Variants in AGBL5 observed in about 807,000 individuals in gnomAD.
AGBL5 encodes the protein AGBL carboxypeptidase 5, also known as cytosolic carboxypeptidase-like protein 5.
A neutral mutation model predicts 88.0 loss-of-function variants in AGBL5; 51 were observed. The observed-to-expected ratio is 0.58, with a 90% CI of 0.46 to 0.73. AGBL5 has a LOEUF of 0.73. Among genes scored for constraint, AGBL5 ranks in the 30% least tolerant of loss-of-function variants. The probability of loss-of-function intolerance (pLI) is 0.00; values close to 1 mark genes in which losing one functional copy is unlikely to be tolerated. For synonymous variants in AGBL5, 446 were observed against 438.8 expected, an observed-to-expected ratio of 1.02 and a Z score of -0.21; for missense variants, 1,031 against 1,162.2, an observed-to-expected ratio of 0.89 and a Z score of 1.64.
upstream of AGBL5, among the ~76,000 whole-genome samples, chr2:27,050,779 G>A (rs1056657846): frequency 2.0e-5 from 3 of 152,220 alleles, no homozygotes; most frequent in African/African-American, 7.2e-5. Context: ...TATCGCAGCG[G>A]AGCCTTCGAT....
chr2:27,055,637 T>C (rs1284783612), intron 6 of AGBL5, 45 bp from the exon 7 acceptor site: 1 of 1,561,226 alleles, frequency 6.4e-7, no homozygotes, highest in Non-Finnish European at 8.7e-7. Context: ...TCTCCTTCAC[T>C]GGCCCAGTCC....
intron 11 of AGBL5, chr2:27,061,603 G>A (rs1028281818): frequency 1.3e-5 from 2 of 152,054 alleles, no homozygotes; most frequent in Non-Finnish European, 2.9e-5. Flanking sequence ...CTTGACCTCA[G>A]GTGATCCACC....
rs374424856 is a variant in AGBL5 at position 27,067,508 on chromosome 2, G to A, written c.2104G>A (p.Asp702Asn). The A allele has an allele frequency of 3.0e-5, 49 of 1,614,020 alleles. No individual in the cohort carries two copies. In the Middle Eastern group the frequency reaches 2.3e-3, roughly 76 times the overall value. The stretch of plus-strand genomic sequence containing the variant: ...CTTCCACTCAGAGCCCCGAAGCCAG[G>A]ACAGGAGACGGCAGCAGCAGCCCCT... Reference protein sequence around the residue: ...LGPVREPRSQDRRRQQQPLNH... With the variant: ...LGPVREPRSQNRRRQQQPLNH... Residue 702 changes from aspartate (D) to asparagine (N), a missense_variant, in exon 12 of 15, where the codon GAC becomes AAC. This residue lies in a region of AGBL5 where 491 missense variants were observed against 484.0 expected (regional missense o/e 1.01). Coordinates refer to ENST00000360131, the MANE Select transcript of AGBL5 (RefSeq NM_021831.6).
At chr2:27,056,863 G>A in intron 8 of AGBL5, 71 bp downstream of exon 8, 1 of 1,467,566 alleles carries the variant, frequency 6.8e-7, no homozygotes, top group Non-Finnish European at 9.1e-7. Flanking sequence ...GGGTGTGGTG[G>A]TGCATGCTTG....
chr2:27,067,522 G>A lies in AGBL5; in HGVS notation c.2118G>A (p.Gln706=). ...REPRSQDRRR[Q]QQPLNHRPAG... is the part of the protein sequence containing the mutation. ...CCCGAAGCCAGGACAGGAGACGGCA[G>A]CAGCAGCCCCTGAACCATCGTCCTG... The change falls in exon 12 of 15, where the codon CAG becomes CAA. Residue 706 remains glutamine, a synonymous_variant. Coordinates refer to ENST00000360131, the MANE Select transcript of AGBL5 (RefSeq NM_021831.6). The A allele has an allele frequency of 1.2e-6, 2 of 1,614,092 alleles. No homozygotes were observed. The highest frequency in any genetic ancestry group is 1.7e-6 in the Non-Finnish European group (2 of 1,180,014).
chr2:27,060,807 T>C (rs1668680080), intron 11 of AGBL5, among the ~76,000 whole-genome samples: 3 of 152,250 alleles, frequency 2.0e-5, no homozygotes, highest in African/African-American at 7.2e-5. Context: ...GCACTGTGTT[T>C]GAAAAATAAT....
chr2:27,051,222 A>G (rs1668108216), upstream of AGBL5, among the ~76,000 whole-genome samples: 2 of 152,206 alleles, frequency 1.3e-5, no homozygotes, highest in East Asian at 1.9e-4. Context: ...GCGGGGGATT[A>G]GCTCAAATGG....
rs976792025 is a variant in AGBL5, at chr2:27,060,015, G to A, written c.2089+611G>A. 3.9e-5 allele frequency among the ~76,000 whole-genome samples: 6 copies of A among 152,314 alleles called. No homozygotes were observed. In the East Asian group the frequency reaches 5.8e-4, roughly 15 times the overall value. ...AATACAAAAATGAGCCAGGCATGGTGGTGCACACCTGTAATCCCAGCTATT... is the reference window on the plus strand; with the variant it reads ...AATACAAAAATGAGCCAGGCATGGTAGTGCACACCTGTAATCCCAGCTATT... On this transcript the variant is annotated intron_variant, in intron 11 of 14. Coordinates refer to ENST00000360131, the MANE Select transcript of AGBL5 (RefSeq NM_021831.6).
At chr2:27,064,716 C>CA (rs1668894045) in intron 11 of AGBL5, among the ~76,000 whole-genome samples, 1 of 148,236 alleles carries the variant, frequency 6.7e-6, no homozygotes, top group Non-Finnish European at 1.5e-5. Flanking sequence ...TTTTTTTTTC[C>CA]ATTCAATTTT....
chr2:27,054,913 G>A (rs982758348), intron 5 of AGBL5, 106 bp downstream of exon 5: 14 of 1,505,044 alleles, frequency 9.3e-6, no homozygotes, highest in Middle Eastern at 2.4e-4. Context: ...CATGGCCTCC[G>A]CCCGCAGCGT....
rs755761879 is a variant in AGBL5 at position 27,058,547 on chromosome 2, C to T, written c.1819C>T (p.Leu607=). ...VRNSRGLSST[L]NVGVNKKRGL... is the part of the protein sequence containing the mutation. ...CAACAGCCGAGGCCTAAGCAGCACT[C>T]TGAATGTGGGTGTCAACAAGAAGAG... is the stretch of plus-strand genomic sequence containing the variant. The change falls in exon 10 of 15, where the codon CTG becomes TTG. Residue 607 remains leucine, a synonymous_variant. Coordinates refer to ENST00000360131, the MANE Select transcript of AGBL5 (RefSeq NM_021831.6). 3.7e-6 allele frequency: 6 copies of T among 1,614,198 alleles called. No individual in the cohort carries two copies. Among genetic ancestry groups the T allele is most frequent in the South Asian group, 1.1e-5 (1 of 91,076 alleles).
At chr2:27,059,600 G>T (rs1025227878) in intron 11 of AGBL5, 196 bp downstream of exon 11, 1 of 1,321,592 alleles carries the variant, frequency 7.6e-7, no homozygotes, top group Non-Finnish European at 1.0e-6. Flanking sequence ...ATTGTGTGTG[G>T]CCAGAGGGGG....
rs1417581843 is a variant in AGBL5 at position 27,053,478 on chromosome 2, C to T, written c.292C>T (p.Gln98Ter). The stretch of plus-strand genomic sequence containing the variant: ...GATCAACATTATGAACATGAACAAG[C>T]AGAGCAAGCTGTATTCCCAGGGCAT... ...IKINIMNMNK[Q>*]SKLYSQGMAP... Residue 98 changes from glutamine (Q) to a stop codon, truncating the protein, a stop_gained, in exon 3 of 15, where the codon CAG becomes TAG. Coordinates refer to ENST00000360131, the MANE Select transcript of AGBL5 (RefSeq NM_021831.6). LOFTEE classifies it high-confidence loss of function. The surrounding 1 kb of genome is among the most constrained non-coding windows in gnomAD (Gnocchi z 4.9). 1 of 1,614,006 alleles carries T rather than the reference C, an allele frequency of 6.2e-7. No individual in the cohort carries two copies. The highest frequency in any genetic ancestry group is 8.5e-7 in the Non-Finnish European group (1 of 1,180,048).
At chr2:27,051,259 G>A (rs890696255), upstream of AGBL5, among the ~76,000 whole-genome samples, 12 of 152,180 alleles carry the variant, frequency 7.9e-5, no homozygotes, top group South Asian at 2.1e-4. Context: ...CATGCGAGAG[G>A]TAGCGGGATC....
intron 11 of AGBL5, chr2:27,059,628 C>A: frequency 1.9e-6 from 2 of 1,031,002 alleles, no homozygotes; most frequent in Non-Finnish European, 2.7e-6. Flanking sequence ...GGTATCTGGG[C>A]TTCAGTGCAT....
chr2:27,058,581 G>A lies in AGBL5; in HGVS notation c.1853G>A (p.Arg618Gln), dbSNP rs1468261345. Residue 618 changes from arginine (R) to glutamine (Q), a missense_variant, in exon 10 of 15, where the codon CGA (arginine) becomes CAA (glutamine). Physicochemically the swap from Arg to Gln is conservative, Grantham distance 43 (BLOSUM62 1). Transcript: ENST00000360131. ...GGTGTCAACAAGAAGAGGGGCCTTC[G>A]AACTCCACCCAAAAGTCACAAGTAA... is the stretch of plus-strand genomic sequence containing the variant. ...NVGVNKKRGL[R>Q]TPPKSHNGLP... 8 of 1,614,048 alleles carry A rather than the reference G, an allele frequency of 5.0e-6. No homozygotes were observed. Among genetic ancestry groups the A allele is most frequent in the African/African-American group, 1.3e-5 (1 of 75,038 alleles).
chr2:27,055,003 A>G lies in AGBL5; in HGVS notation c.730-72A>G. The G allele has an allele frequency of 2.0e-6, 3 of 1,537,956 alleles. No individual in the cohort carries two copies. In the South Asian group the frequency reaches 3.6e-5, roughly 18 times the overall value. On this transcript the variant is annotated intron_variant, in intron 5 of 14. Transcript: ENST00000360131. ...AGCGGCTATTCCTGCCTCATCCATG[A>G]CACCCCCCATATACTGTCAAAGTAG...
Position 27,068,676 on chromosome 2 carries a change from G to A in AGBL5, c.2287G>A (p.Val763Ile), listed in dbSNP as rs1410358851. 2.5e-6 allele frequency: 4 copies of A among 1,614,058 alleles called. No homozygotes were observed. The highest frequency in any genetic ancestry group is 3.4e-6 in the Non-Finnish European group (4 of 1,180,046). Residue 763 changes from valine (V) to isoleucine (I), a missense_variant, in exon 13 of 15, where the codon GTC (valine) becomes ATC (isoleucine). This residue lies in a region of AGBL5 where 491 missense variants were observed against 484.0 expected (regional missense o/e 1.01). Transcript: ENST00000360131. ...LLSSGDKPEA[V>I]MVIGKGLLGT... ...GTCCTCTGGAGACAAACCAGAGGCTGTCATGGTAATCGGGAAAGGTCTGCT... is the reference window on the plus strand; with the variant it reads ...GTCCTCTGGAGACAAACCAGAGGCTATCATGGTAATCGGGAAAGGTCTGCT...
chr2:27,063,763 C>T (rs1668837623), intron 11 of AGBL5, among the ~76,000 whole-genome samples: 1 of 152,188 alleles, frequency 6.6e-6, no homozygotes, highest in Non-Finnish European at 1.5e-5. Flanking sequence ...GTAACTGCTG[C>T]TGTAAACAGT....
Sources: gnomAD v4.1 joint callset for allele counts (sites outside exome capture counted in the v4.1 genomes callset) on GRCh38, gnomAD v4.1.1 for gene constraint, gnomAD v4.1.1 regional missense constraint, Gnocchi (gnomAD v3.1) non-coding constraint, MANE v1.5 for transcripts, NCBI Gene and HGNC (gene_info 2026-07-23, HGNC 2026-07-21) for gene names.